The following MDM4 variants were observed in gnomAD, a reference collection of about 807,000 sequenced individuals.
The protein encoded by MDM4 is protein Mdm4.
In MDM4, 2 loss-of-function variants were observed where a neutral mutation model predicts 60.2. That is an observed-to-expected ratio of 0.03 (90% confidence interval 0.01 to 0.10). The LOEUF is 0.10. MDM4 is among the 10% of genes least tolerant of loss of function. The pLI is 1.00. For missense variants in MDM4, 447 were observed against 577.5 expected (o/e 0.77, Z 2.32); for synonymous variants, 202 against 198.1 (o/e 1.02, Z -0.17).
chr1:204,530,926 A>G (rs1660791619), intron 4 of MDM4, 109 bp downstream of exon 4: 1 of 1,421,756 alleles, frequency 7.0e-7, no homozygotes, highest in Non-Finnish European at 9.7e-7. Flanking sequence ...GTAAGAGCCT[A>G]CATATGTTAG....
Position 204,527,323 on chromosome 1 carries a change from G to A in MDM4, c.153+889G>A, listed in dbSNP as rs970354518. Reference sequence around the variant, plus strand: ...AAAAAAAGACACTGTCTGATTTACAGGCTGTATTTTGAGGCAGGAATTAAA... The same window carrying A: ...AAAAAAAGACACTGTCTGATTTACAAGCTGTATTTTGAGGCAGGAATTAAA... On this transcript the variant is annotated intron_variant, in intron 3 of 10. Coordinates refer to ENST00000367182, the MANE Select transcript of MDM4 (RefSeq NM_002393.5). Among the ~76,000 whole-genome samples the A allele has an allele frequency of 1.3e-5, 2 of 152,072 alleles. 1 individual carries two copies. Among genetic ancestry groups the A allele is most frequent in the East Asian group, 3.9e-4 (2 of 5,176 alleles).
intron 3 of MDM4, among the ~76,000 whole-genome samples, chr1:204,528,042 C>T (rs1294208461): frequency 3.3e-5 from 5 of 149,516 alleles, no homozygotes; most frequent in Admixed American, 6.7e-5. Flanking sequence ...ACACGTAAGA[C>T]CTTTTTTTCC....
chr1:204,542,194 GT>G, intron 7 of MDM4, among the ~76,000 whole-genome samples: 1 of 152,308 alleles, frequency 6.6e-6, no homozygotes, highest in South Asian at 2.1e-4. Flanking sequence ...AGAGTTTAGT[GT>G]TTTATAGTGG....
At chr1:204,533,599 C>G (rs1484057919) in intron 5 of MDM4, among the ~76,000 whole-genome samples, 1 of 152,130 alleles carries the variant, frequency 6.6e-6, no homozygotes, top group Non-Finnish European at 1.5e-5. Context: ...CTCAAGCAGT[C>G]CACCCACTTT....
intron 2 of MDM4, 62 bp downstream of exon 2, chr1:204,525,658 T>G: frequency 8.6e-7 from 1 of 1,160,536 alleles, no homozygotes; most frequent in South Asian, 1.4e-5. Flanking sequence ...TTAAAAAGTT[T>G]AGCTGTCTCA....
Position 204,557,503 on chromosome 1 carries a change from A to G in MDM4, c.*7821A>G, listed in dbSNP as rs1301203190. On this transcript the variant is annotated 3_prime_UTR_variant, in exon 11 of 11. Transcript: ENST00000367182. Reference sequence around the variant, plus strand: ...CTGCAACCCCCGCCTCCTGGGTTCAAGCGATCCTCCTGCCTCAACCTCTCA... The same window carrying G: ...CTGCAACCCCCGCCTCCTGGGTTCAGGCGATCCTCCTGCCTCAACCTCTCA... The G allele has an allele frequency of 5.8e-6, 1 of 173,580 alleles. No homozygotes were observed. Among genetic ancestry groups the G allele is most frequent in the Middle Eastern group, 2.3e-3 (1 of 436 alleles). 10.8% of individuals were successfully genotyped at this position (173,580 alleles called of 1,614,324 possible).
intron 1 of MDM4, among the ~76,000 whole-genome samples, chr1:204,518,780 C>T (rs1197395068): frequency 5.3e-5 from 8 of 152,172 alleles, no homozygotes; most frequent in Admixed American, 3.9e-4. Context: ...ATTCTTCTGC[C>T]GCAGCCACGC....
rs1428358052 is a variant in MDM4, at chr1:204,525,585, C to A, written c.67C>A (p.Gln23Lys). The change falls in exon 2 of 11, where the codon CAA (glutamine) becomes AAA (lysine). Residue 23 changes from glutamine to lysine, a missense_variant. Around this residue, in one of 8 missense-constraint regions of MDM4, gnomAD observed 33 missense variants for 28.8 expected, o/e 1.15. Transcript: ENST00000367182. ...CAGTGCTTGCAGGATCTCTCCTGGA[C>A]AAATCAATCAGGTAAATCATTTTCG... is the stretch of plus-strand genomic sequence containing the variant. ...SDSACRISPG[Q>K]INQVRPKLPL... 1.9e-6 allele frequency: 3 copies of A among 1,569,478 alleles called. No homozygotes were observed. The highest frequency in any genetic ancestry group is 2.6e-6 in the Non-Finnish European group (3 of 1,147,750).
At position 204,549,921 on chromosome 1, in the gene MDM4, C is replaced by G. The variant is rs1663039758; in HGVS notation, c.*239C>G. 1 of 357,770 alleles carries G rather than the reference C, an allele frequency of 2.8e-6. No individual in the cohort carries two copies. 22.2% of individuals were successfully genotyped at this position (357,770 alleles called of 1,614,324 possible). ...AGTCAGGTACATAGTTAGGTGAACCCAAAAGAAAAACTCTTGAAAACAAGA... is the reference window on the plus strand; with the variant it reads ...AGTCAGGTACATAGTTAGGTGAACCGAAAAGAAAAACTCTTGAAAACAAGA... On this transcript the variant is annotated 3_prime_UTR_variant, in exon 11 of 11. Transcript: ENST00000367182.
chr1:204,525,846 C>T (rs1056956251), intron 2 of MDM4, among the ~76,000 whole-genome samples: 2 of 151,918 alleles, frequency 1.3e-5, no homozygotes, highest in African/African-American at 4.8e-5. Flanking sequence ...GAGCCTGAGG[C>T]GGGATATCAC....
chr1:204,530,372 ACTT>A (rs1453113864), intron 3 of MDM4, among the ~76,000 whole-genome samples: 1 of 152,168 alleles, frequency 6.6e-6, no homozygotes, highest in Non-Finnish European at 1.5e-5. Context: ...AATAGAATAG[ACTT>A]CTTTATTTGG....
intron 1 of MDM4, among the ~76,000 whole-genome samples, chr1:204,524,562 A>C (rs1659920348): frequency 6.6e-6 from 1 of 152,194 alleles, no homozygotes; most frequent in South Asian, 2.1e-4. Context: ...GCGGATCACG[A>C]GGTCAGGAAT....
chr1:204,517,879 C>T (rs1425625224), intron 1 of MDM4, among the ~76,000 whole-genome samples: 12 of 150,810 alleles, frequency 8.0e-5, no homozygotes, highest in Admixed American at 6.6e-4. Context: ...GATGGGATTT[C>T]GGCCAGGCCC....
intron 1 of MDM4, among the ~76,000 whole-genome samples, chr1:204,521,607 C>G (rs1234322382): frequency 6.6e-6 from 1 of 152,088 alleles, no homozygotes; most frequent in Non-Finnish European, 1.5e-5. Context: ...TCCAAAAGTA[C>G]AAAACATGAG....
At chr1:204,522,781 A>G (rs2102297911) in intron 1 of MDM4, among the ~76,000 whole-genome samples, 1 of 152,070 alleles carries the variant, frequency 6.6e-6, no homozygotes, top group African/African-American at 2.4e-5. Context: ...GAGAGGGAGG[A>G]ATTTATACTT....
chr1:204,544,736 A>G, intron 9 of MDM4, 52 bp downstream of exon 9: 1 of 1,513,166 alleles, frequency 6.6e-7, no homozygotes, highest in African/African-American at 1.4e-5. Flanking sequence ...TCATAGTATC[A>G]TCTGTTGAGA....
chr1:204,529,329 A>G lies in MDM4; in HGVS notation c.154-1355A>G, dbSNP rs1171714873. ...CACTGTGATCAGAGTCACCGACTGG[A>G]ACCAGGAGTAGGCCTCATCCATATT... On this transcript the variant is annotated intron_variant, in intron 3 of 10. Transcript: ENST00000367182. 2.3e-5 allele frequency: 18 copies of G among 787,244 alleles called. No individual in the cohort carries two copies. The East Asian group carries it at 4.4e-4, about 19-fold the overall frequency. 48.8% of individuals were successfully genotyped at this position (787,244 alleles called of 1,614,324 possible). A position where few individuals can be genotyped will look rare whatever the true frequency, so the allele number is the denominator to read the frequency against.
chr1:204,557,758 T>C lies in MDM4; in HGVS notation c.*8076T>C, dbSNP rs1663627363. On this transcript the variant is annotated 3_prime_UTR_variant, in exon 11 of 11. Transcript: ENST00000367182. ...GGTGGCATAAAATGCACTGTCAATA[T>C]ATAGAAAACATGAAATTTTCCAAAT... 1 of 186,612 alleles carries C rather than the reference T, an allele frequency of 5.4e-6. No homozygotes were observed. Among genetic ancestry groups the C allele is most frequent in the Non-Finnish European group, 1.1e-5 (1 of 88,370 alleles). The allele number at this position is 186,612 out of a possible 1,614,324, so 11.6% of individuals were successfully genotyped here. A position where few individuals can be genotyped will look rare whatever the true frequency, so the allele number is the denominator to read the frequency against.
Position 204,548,859 on chromosome 1 carries a change from G to A in MDM4, c.904-254G>A, listed in dbSNP as rs4252738. On this transcript the variant is annotated intron_variant, in intron 10 of 10. Coordinates refer to ENST00000367182, the MANE Select transcript of MDM4 (RefSeq NM_002393.5). ...AAATTTCACCGAGATGAGGTAGAAA[G>A]CCACCTTTCTTAAAGCCACTTTCTT... Among the ~76,000 whole-genome samples the A allele has an allele frequency of 1.2e-4, 19 of 152,152 alleles. No homozygotes were observed. In the East Asian group the frequency reaches 3.7e-3, roughly 29 times the overall value.
Sources: allele counts gnomAD v4.1 joint callset (sites outside exome capture counted in the v4.1 genomes callset), GRCh38; gene constraint gnomAD v4.1.1; regional missense constraint gnomAD v4.1.1; transcripts MANE v1.5; gene names NCBI Gene and HGNC (gene_info 2026-07-23, HGNC 2026-07-21).